The following OTOG variants were observed in gnomAD, a reference collection of about 807,000 sequenced individuals.
The protein encoded by OTOG is otogelin.
A neutral mutation model predicts 313.8 loss-of-function variants in OTOG; 296 were observed. The ratio of observed to expected loss-of-function variants is 0.94; its 90% CI spans 0.86 to 1.04. The LOEUF (loss-of-function observed/expected upper bound fraction) is 1.04, where lower values mean the gene tolerates loss of function less well. OTOG is among the 50% of genes least tolerant of loss of function. The pLI, the probability that OTOG is intolerant of heterozygous loss-of-function variation, is 0.00. For missense variants in OTOG, 3,948 were observed against 3,840.1 expected (o/e 1.03, Z -0.74); for synonymous variants, 1,533 against 1,554.9 (o/e 0.99, Z 0.33).
At chr11:17,588,656 G>T (rs185419831) in intron 24 of OTOG, among the ~76,000 whole-genome samples, 2 of 152,236 alleles carry the variant, frequency 1.3e-5, no homozygotes, top group African/African-American at 4.8e-5. Context: ...TGAGCTCTGT[G>T]ACTCTTGCCA....
At chr11:17,589,534 C>G (rs1258571445) in intron 24 of OTOG, among the ~76,000 whole-genome samples, 1 of 152,194 alleles carries the variant, frequency 6.6e-6, no homozygotes, top group African/African-American at 2.4e-5. Flanking sequence ...CCTAAGGGAA[C>G]CACTGCAGCA....
intron 3 of OTOG, among the ~76,000 whole-genome samples, chr11:17,548,652 G>A (rs1258470905): frequency 6.6e-6 from 1 of 151,956 alleles, no homozygotes; most frequent in Non-Finnish European, 1.5e-5. Flanking sequence ...CAAAAACTAG[G>A]CCACCTGGTG....
Position 17,632,246 on chromosome 11 carries a change from G to A in OTOG, c.7072+20G>A, listed in dbSNP as rs180741253. 1.3e-4 allele frequency: 206 copies of A among 1,544,240 alleles called. No individual in the cohort carries two copies. In the African/African-American group the frequency reaches 2.5e-3, roughly 19 times the overall value. On this transcript the variant is annotated intron_variant, in intron 42 of 55. Transcript: ENST00000399397. Reference sequence around the variant, plus strand: ...ACTGCCGTGAGTTTGCGGGGCAGGGGGACCCTCCATTGTGACTATTGTTCC... The same window carrying A: ...ACTGCCGTGAGTTTGCGGGGCAGGGAGACCCTCCATTGTGACTATTGTTCC...
intron 32 of OTOG, 151 bp from the exon 33 acceptor site, chr11:17,605,706 G>T: frequency 2.4e-6 from 2 of 820,964 alleles, no homozygotes; most frequent in Non-Finnish European, 3.7e-6. Context: ...AGAGTAGGTG[G>T]GCTGGGGGCT....
Position 17,576,760 on chromosome 11 carries a change from G to A in OTOG, c.2562-108G>A, listed in dbSNP as rs755364619. The A allele has an allele frequency of 3.7e-5, 55 of 1,469,958 alleles. No individual in the cohort carries two copies. In the East Asian group the frequency reaches 8.9e-4, roughly 24 times the overall value. The allele number at this position is 1,469,958 out of a possible 1,614,324, so 91.1% of individuals were successfully genotyped here. ...GCTCTGTGCAGGGAGGGGGAAGTGA[G>A]TGAGGGTGTCTTTCTGAACTCTGCA... On this transcript the variant is annotated intron_variant, in intron 21 of 55. Coordinates refer to ENST00000399397, the MANE Select transcript of OTOG (RefSeq NM_001292063.2).
In OTOG at chr11:17,639,460, T is replaced by G. The variant is rs746035580; in HGVS notation, c.7932T>G (p.His2644Gln). Residue 2644 changes from histidine (H) to glutamine (Q), a missense_variant, in exon 49 of 56, where the codon CAT (histidine) becomes CAG (glutamine). Coordinates refer to ENST00000399397, the MANE Select transcript of OTOG (RefSeq NM_001292063.2). The part of the protein sequence containing the change: ...DCDTIPVPRC[H>Q]LWEKSQLDEE... ...ACACAATCCCGGTGCCCCGGTGCCA[T>G]CTGGTATGGAGACGCTCCTCCCCCA... 5 of 1,550,672 alleles carry G rather than the reference T, an allele frequency of 3.2e-6. No individual in the cohort carries two copies. The Middle Eastern group carries it at 6.7e-4, about 207-fold the overall frequency.
At chr11:17,592,047 G>T (rs962447872) in intron 25 of OTOG, among the ~76,000 whole-genome samples, 1 of 152,102 alleles carries the variant, frequency 6.6e-6, no homozygotes, top group Admixed American at 6.5e-5. Flanking sequence ...GTAGAGCTGG[G>T]GTCAAGTTTG....
intron 39 of OTOG, among the ~76,000 whole-genome samples, chr11:17,625,022 G>T (rs2134117319): frequency 6.6e-6 from 1 of 152,294 alleles, no homozygotes; most frequent in Middle Eastern, 3.4e-3. Context: ...TTGAGACTTT[G>T]CTGAAGTTGT....
At chr11:17,575,179 C>A (rs2134030451) in intron 20 of OTOG, among the ~76,000 whole-genome samples, 1 of 152,386 alleles carries the variant, frequency 6.6e-6, no homozygotes, top group East Asian at 1.9e-4. Context: ...TCTCTCTCCT[C>A]ATTCCCCTCT....
At position 17,641,858 on chromosome 11, in the gene OTOG, C is replaced by T. The variant is rs747451945; in HGVS notation, c.8202C>T (p.Tyr2734=). ...CDIHCEANQE[Y]EHPRDLAACC... ...GCCCTGGCCTGTAGAACCAGGAGTA[C>T]GAGCACCCGCGGGACCTCGCTGCCT... The change falls in exon 52 of 56, where the codon TAC becomes TAT. Residue 2734 remains tyrosine, a synonymous_variant. Transcript: ENST00000399397. 428 of 1,549,520 alleles carry T rather than the reference C, an allele frequency of 2.8e-4. 1 individual carries two copies. Among genetic ancestry groups the T allele is most frequent in the Non-Finnish European group, 3.2e-4 (370 of 1,146,478 alleles).
intron 38 of OTOG, among the ~76,000 whole-genome samples, chr11:17,613,252 T>TTTCTTTCTTTCC (rs1491219489): frequency 7.1e-6 from 1 of 141,558 alleles, no homozygotes; most frequent in Non-Finnish European, 1.5e-5. Context: ...TCTTTCTTTC[T>TTTCTTTCTTTCC]TTCTTTCTTT....
Position 17,610,915 on chromosome 11 carries a change from C to G in OTOG, c.5615C>G (p.Thr1872Arg), listed in dbSNP as rs573802754. 21 of 1,550,530 alleles carry G rather than the reference C, an allele frequency of 1.4e-5. No homozygotes were observed. Among genetic ancestry groups the G allele is most frequent in the Non-Finnish European group, 1.8e-5 (21 of 1,146,988 alleles). ...CACATAGCACCCCCAGCAGCAGGCA[C>G]AGCTCCAGGCCTGCTGCTGGGAGCC... is the stretch of plus-strand genomic sequence containing the variant. ...PTHIAPPAAGTAPGLLLGATL... is the reference protein window; with the variant it reads ...PTHIAPPAAGRAPGLLLGATL... Residue 1872 changes from threonine to arginine, a missense_variant, in exon 36 of 56, where the codon ACA (threonine) becomes AGA (arginine). By Grantham distance (71) the Thr-to-Arg change is moderately conservative. Transcript: ENST00000399397.
At position 17,559,032 on chromosome 11, in the gene OTOG, C is replaced by A; in HGVS notation, c.1104-20C>A. On this transcript the variant is annotated intron_variant, in intron 10 of 55. Transcript: ENST00000399397. ...CACTTTGGGTTTTGTTCCAGTGTGA[C>A]CCTTGGTTTCTCTGCACAGATCAAT... 1 of 1,540,608 alleles carries A rather than the reference C, an allele frequency of 6.5e-7. No individual in the cohort carries two copies. Among genetic ancestry groups the A allele is most frequent in the Non-Finnish European group, 8.8e-7 (1 of 1,139,942 alleles).
Position 17,591,490 on chromosome 11 carries a change from T to C in OTOG, c.2908T>C (p.Cys970Arg). 2 of 1,550,700 alleles carry C rather than the reference T, an allele frequency of 1.3e-6. No individual in the cohort carries two copies. The highest frequency in any genetic ancestry group is 1.2e-5 in the South Asian group (1 of 84,068). Residue 970 changes from cysteine (C) to arginine (R), a missense_variant, in exon 25 of 56, where the codon TGC (cysteine) becomes CGC (arginine). By Grantham distance (180) the Cys-to-Arg change is radical. Coordinates refer to ENST00000399397, the MANE Select transcript of OTOG (RefSeq NM_001292063.2). ...RGSFQCTLHP[C>R]ASTCTAYGDR... ...CTCATTCCAGTGCACCCTGCACCCT[T>C]GCGCCTCCACCTGCACTGCCTATGG...
chr11:17,624,705 A>G (rs143376507), intron 39 of OTOG, among the ~76,000 whole-genome samples: 121 of 152,314 alleles, frequency 7.9e-4, no homozygotes, highest in African/African-American at 2.8e-3. Flanking sequence ...TGTCATTGGT[A>G]GTTTGATAGG....
intron 39 of OTOG, among the ~76,000 whole-genome samples, chr11:17,628,309 TTTATTGACC>T (rs1854034093): frequency 1.3e-5 from 2 of 152,224 alleles, no homozygotes; most frequent in Non-Finnish European, 2.9e-5. Context: ...TCATAATTTT[TTTATTGACC>T]CACTTGACAT....
intron 39 of OTOG, 57 bp from the exon 40 acceptor site, chr11:17,629,076 A>C: frequency 1.4e-6 from 2 of 1,457,334 alleles, no homozygotes; most frequent in Non-Finnish European, 1.9e-6. Flanking sequence ...AGATGGATGG[A>C]TGGATGGATG....
In OTOG at chr11:17,548,208, G is replaced by C; in HGVS notation, c.212G>C (p.Gly71Ala). The stretch of plus-strand genomic sequence containing the variant: ...GGGGACAAGGCTACAGTCGTGGGAG[G>C]CCAGGTAAGGGAGGTCTTGGGAGGG... ...AMGDKATVVG[G>A]QQAEAPDSVA... Residue 71 changes from glycine to alanine, a missense_variant, in exon 3 of 56, where the codon GGC becomes GCC. Transcript: ENST00000399397. The C allele has an allele frequency of 6.5e-7, 1 of 1,547,276 alleles. No homozygotes were observed. Among genetic ancestry groups the C allele is most frequent in the Non-Finnish European group, 8.7e-7 (1 of 1,145,148 alleles).
In OTOG at chr11:17,626,024, T is replaced by C. The variant is rs540336982; in HGVS notation, c.6529-3109T>C. ...AGTTTTATTCTTCTGCATACAGATA[T>C]CCAGTTTCCCCAGCACCACTTATTG... is the stretch of plus-strand genomic sequence containing the variant. On this transcript the variant is annotated intron_variant, in intron 39 of 55. Transcript: ENST00000399397. Among the ~76,000 whole-genome samples the C allele has an allele frequency of 2.5e-4, 38 of 152,326 alleles. No individual in the cohort carries two copies. The South Asian group carries it at 7.2e-3, about 29-fold the overall frequency.
Sources: gnomAD v4.1 joint callset for allele counts (sites outside exome capture counted in the v4.1 genomes callset) on GRCh38, gnomAD v4.1.1 for gene constraint, MANE v1.5 for transcripts, NCBI Gene and HGNC (gene_info 2026-07-23, HGNC 2026-07-21) for gene names.